The following ATP7A variants were observed in gnomAD, a reference collection of about 807,000 sequenced individuals.
ATP7A encodes the protein copper-transporting ATPase 1.
ATP7A carries 7 observed loss-of-function variants against 83.5 expected under a neutral mutation model. The observed-to-expected ratio is 0.08, with a 90% confidence interval of 0.05 to 0.16. The LOEUF (loss-of-function observed/expected upper bound fraction) is 0.16. Ranked by LOEUF, ATP7A falls within the 10% of genes least tolerant of loss-of-function variation. ATP7A has a pLI of 1.00. For missense variants in ATP7A, 940 were observed against 1,120.8 expected (o/e 0.84, Z 2.30); for synonymous variants, 354 against 395.2 (o/e 0.90, Z 1.24).
At chrX:78,027,287 T>G (rs987751868) in intron 14 of ATP7A, among the ~76,000 whole-genome samples, 1 of 111,448 alleles carries the variant, frequency 9.0e-6, no homozygotes, top group African/African-American at 3.3e-5. Flanking sequence ...ATGCAAAAAT[T>G]ATTAGCATTT....
Position 78,046,888 on chromosome X carries a change from CA to C in ATP7A, c.*329del, listed in dbSNP as rs200387829. Reference sequence around the variant, plus strand: ...TAAAGTGATTTTTTTTTTATTTGACCAAAAAAAAAAAGGCCCAAGAAGAAGA... The same window carrying C: ...TAAAGTGATTTTTTTTTTATTTGACCAAAAAAAAAAGGCCCAAGAAGAAGA... On this transcript the variant is annotated 3_prime_UTR_variant, in exon 23 of 23. Transcript: ENST00000341514. The C allele has an allele frequency of 0.031, 3,973 of 127,061 alleles. No individual in the cohort carries two copies. The highest frequency in any genetic ancestry group is 0.039 in the Non-Finnish European group (2,680 of 69,391). The allele number at this position is 127,061 out of a possible 1,213,427, so 10.5% of individuals were successfully genotyped here.
chrX:78,039,038 T>G, intron 18 of ATP7A, 56 bp downstream of exon 18: 1 of 1,156,958 alleles, frequency 8.6e-7, no homozygotes. Context: ...TTTTATTAAT[T>G]TATTTATTTT....
At chrX:77,945,320 G>T (rs2077372602) in intron 1 of ATP7A, among the ~76,000 whole-genome samples, 1 of 111,171 alleles carries the variant, frequency 9.0e-6, no homozygotes, top group Admixed American at 9.6e-5. Context: ...TGGGACCACA[G>T]TCATTCACTA....
At position 78,014,613 on chromosome X, in the gene ATP7A, T is replaced by G. The variant is rs1349507827; in HGVS notation, c.2407-49T>G. 5 of 1,001,980 alleles carry G rather than the reference T, an allele frequency of 5.0e-6. No individual in the cohort carries two copies. The African/African-American group carries it at 9.4e-5, about 19-fold the overall frequency. 82.6% of individuals were successfully genotyped at this position (1,001,980 alleles called of 1,213,427 possible). On this transcript the variant is annotated intron_variant, in intron 10 of 22. Transcript: ENST00000341514. ...TTGTATTTTTATTTTAGTTAAGACC[T>G]GAACTTTTTCTTCCTTAGCATTTTC...
At chrX:77,932,125 G>A (rs1187436416) in intron 1 of ATP7A, among the ~76,000 whole-genome samples, 11 of 108,531 alleles carry the variant, frequency 1.0e-4, no homozygotes, top group East Asian at 3.0e-4. Flanking sequence ...GCTGCTGGGC[G>A]GAGGGGCTCC....
At chrX:77,931,665 G>A (rs1328828472) in intron 1 of ATP7A, among the ~76,000 whole-genome samples, 4 of 100,017 alleles carry the variant, frequency 4.0e-5, no homozygotes, top group African/African-American at 7.4e-5. Context: ...CCTCCCTCCC[G>A]GACGGGGTGG....
chrX:78,008,017 T>C (rs1467014177), intron 6 of ATP7A, among the ~76,000 whole-genome samples: 1 of 112,516 alleles, frequency 8.9e-6, no homozygotes, highest in Non-Finnish European at 1.9e-5. Context: ...TGAAATACTA[T>C]GTCTTATTCA....
At chrX:78,043,061 AG>A (rs1348249249) in intron 20 of ATP7A, among the ~76,000 whole-genome samples, 7 of 112,366 alleles carry the variant, frequency 6.2e-5, no homozygotes, top group Non-Finnish European at 1.1e-4. Flanking sequence ...TTCAACAAAT[AG>A]TTGCTGAGAT....
At chrX:77,982,223 A>T (rs1056404990) in intron 2 of ATP7A, among the ~76,000 whole-genome samples, 2 of 111,946 alleles carry the variant, frequency 1.8e-5, no homozygotes, top group Non-Finnish European at 1.9e-5. Flanking sequence ...CACATCTGTA[A>T]AATAACAGAA....
chrX:78,046,205 A>T (rs2078082256), intron 22 of ATP7A, 89 bp from the exon 23 acceptor site: 1 of 1,057,991 alleles, frequency 9.5e-7, no homozygotes, highest in African/African-American at 1.8e-5. Flanking sequence ...CTAAGTGTGG[A>T]TGAGCAAATC....
At chrX:78,007,584 C>T (rs1557233886) in intron 6 of ATP7A, among the ~76,000 whole-genome samples, 1 of 112,239 alleles carries the variant, frequency 8.9e-6, no homozygotes, top group Non-Finnish European at 1.9e-5. Context: ...CTCGGCCTCC[C>T]AAAGTGCTGG....
intron 1 of ATP7A, among the ~76,000 whole-genome samples, chrX:77,932,771 A>G (rs782569098): frequency 3.2e-4 from 36 of 112,642 alleles, no homozygotes; most frequent in Admixed American, 2.7e-3. Context: ...CAGGTGTGGC[A>G]GCGCGCGCCT....
intron 14 of ATP7A, among the ~76,000 whole-genome samples, chrX:78,023,650 T>A (rs2077922561): frequency 1.8e-5 from 2 of 111,138 alleles, no homozygotes; most frequent in African/African-American, 6.5e-5. Flanking sequence ...TTAAATAGGG[T>A]TGTTTTATCC....
chrX:77,992,200 G>A (rs1048234340), intron 4 of ATP7A, among the ~76,000 whole-genome samples: 1 of 108,825 alleles, frequency 9.2e-6, no homozygotes, highest in Non-Finnish European at 1.9e-5. Context: ...GAGTAGCTGG[G>A]ATTACAGGCG....
chrX:77,971,477 T>G (rs1187863212), intron 1 of ATP7A, 144 bp from the exon 2 acceptor site: 12 of 603,545 alleles, frequency 2.0e-5, no homozygotes, highest in Non-Finnish European at 2.9e-5. Flanking sequence ...CTTACCATAT[T>G]TTATTACTAG....
At chrX:77,942,290 C>T (rs984957100) in intron 1 of ATP7A, among the ~76,000 whole-genome samples, 8 of 111,768 alleles carry the variant, frequency 7.2e-5, no homozygotes, top group Non-Finnish European at 1.3e-4. Context: ...TGTAACTTAC[C>T]CATGTCTTGT....
intron 1 of ATP7A, chrX:77,924,061 A>G (rs1317361875): frequency 9.0e-6 from 1 of 111,350 alleles, no homozygotes; most frequent in African/African-American, 3.3e-5. Flanking sequence ...ACTCCCTTTT[A>G]AGTACCGCAC....
In ATP7A at chrX:78,031,446, C is replaced by T; in HGVS notation, c.3158C>T (p.Thr1053Ile). The change falls in exon 16 of 23, where the codon ACC becomes ATC. Residue 1053 changes from threonine to isoleucine, a missense_variant. Physicochemically the swap from Thr to Ile is moderately conservative, Grantham distance 89. This residue lies in a region of ATP7A where 386 missense variants were observed against 502.2 expected (regional missense o/e 0.77). Coordinates refer to ENST00000341514, the MANE Select transcript of ATP7A (RefSeq NM_000052.7). ...AAGACTGGAACCATTACTCACGGAA[C>T]CCCAGTGGTGAATCAAGTAAAGGTT... ...FDKTGTITHG[T>I]PVVNQVKVLT... 1 of 1,210,934 alleles carries T rather than the reference C, an allele frequency of 8.3e-7. No homozygotes were observed.
Position 77,974,148 on chromosome X carries a change from GT to G in ATP7A, c.120+2402del, listed in dbSNP as rs1327635291. ...TGTAATTATGTCATCAAGGTATATA[GT>G]TTTTTTTTTTTTTTAAGATAGTCTC... On this transcript the variant is annotated intron_variant, in intron 2 of 22. Coordinates refer to ENST00000341514, the MANE Select transcript of ATP7A (RefSeq NM_000052.7). Among the ~76,000 whole-genome samples, 316 of 99,820 alleles carry G rather than the reference GT, an allele frequency of 3.2e-3. 1 individual carries two copies. The highest frequency in any genetic ancestry group is 0.01 in the Middle Eastern group (2 of 191). The allele number at this position is 99,820 out of a possible 115,157, so 86.7% of individuals were successfully genotyped here.
Sources: allele counts gnomAD v4.1 joint callset (sites outside exome capture counted in the v4.1 genomes callset), GRCh38; gene constraint gnomAD v4.1.1; regional missense constraint gnomAD v4.1.1; transcripts MANE v1.5; gene names NCBI Gene and HGNC (gene_info 2026-07-23, HGNC 2026-07-21).